Variants in TBC1D15 observed in about 807,000 individuals in gnomAD.
TBC1D15 encodes the protein GAP for RAB7.
In TBC1D15, 39 loss-of-function variants were observed where a neutral mutation model predicts 95.4. The ratio of observed to expected loss-of-function variants is 0.41; its 90% CI spans 0.32 to 0.53. TBC1D15 has a LOEUF of 0.53. TBC1D15 is among the 20% of genes least tolerant of loss of function. The pLI is 0.29. For synonymous variants in TBC1D15, 258 were observed against 261.3 expected (o/e 0.99, Z 0.12); for missense variants, 733 against 794.3 (o/e 0.92, Z 0.93).
At chr12:71,878,918 GT>G (rs1222078289) in intron 3 of TBC1D15, among the ~76,000 whole-genome samples, 1 of 151,516 alleles carries the variant, frequency 6.6e-6, no homozygotes, top group Non-Finnish European at 1.5e-5. Context: ...CATTTGTTCA[GT>G]TTCCCTACTG....
chr12:71,901,437 A>G (rs1389470913), intron 10 of TBC1D15, among the ~76,000 whole-genome samples: 10 of 152,172 alleles, frequency 6.6e-5, no homozygotes, highest in African/African-American at 1.9e-4. Flanking sequence ...TGAGATGCCT[A>G]TATTGAATGT....
intron 1 of TBC1D15, chr12:71,850,162 GC>G (rs1887412045): frequency 3.6e-6 from 2 of 562,784 alleles, no homozygotes; most frequent in Admixed American, 4.2e-5. Context: ...ATTATTTCTG[GC>G]TGTGATACTC....
chr12:71,872,709 C>T (rs1194828180), intron 2 of TBC1D15, among the ~76,000 whole-genome samples: 1 of 152,018 alleles, frequency 6.6e-6, no homozygotes, highest in African/African-American at 2.4e-5. Flanking sequence ...ATGGAATATT[C>T]TAAAACTTAC....
intron 1 of TBC1D15, among the ~76,000 whole-genome samples, chr12:71,856,504 T>C (rs965196072): frequency 6.6e-6 from 1 of 152,200 alleles, no homozygotes; most frequent in Non-Finnish European, 1.5e-5. Flanking sequence ...TTTTCTTCTT[T>C]TAGCCTTCAA....
At chr12:71,889,538 A>T (rs945636298) in intron 5 of TBC1D15, among the ~76,000 whole-genome samples, 8 of 151,656 alleles carry the variant, frequency 5.3e-5, no homozygotes, top group African/African-American at 1.7e-4. Flanking sequence ...GAATAAAGCT[A>T]TTCCAAGTAG....
intron 4 of TBC1D15, among the ~76,000 whole-genome samples, chr12:71,882,044 C>A (rs77342566): frequency 7.9e-5 from 12 of 150,970 alleles, no homozygotes; most frequent in Non-Finnish European, 1.3e-4. Context: ...TATTTCATTA[C>A]GAAACTTTCT....
chr12:71,844,144 T>C (rs963213751), intron 1 of TBC1D15, among the ~76,000 whole-genome samples: 5 of 152,338 alleles, frequency 3.3e-5, no homozygotes, highest in African/African-American at 1.2e-4. Flanking sequence ...TCATCCCCAC[T>C]ACCATTGCCT....
intron 6 of TBC1D15, chr12:71,894,443 C>G (rs1208869310): frequency 6.8e-7 from 1 of 1,466,748 alleles, no homozygotes; most frequent in African/African-American, 1.4e-5. Flanking sequence ...TGTTTATCTG[C>G]AATTCAATCA....
chr12:71,921,099 TTG>T (rs1183458987), intron 15 of TBC1D15, among the ~76,000 whole-genome samples: 1 of 152,210 alleles, frequency 6.6e-6, no homozygotes, highest in Non-Finnish European at 1.5e-5. Flanking sequence ...CAAAAATTAA[TTG>T]TCTTTTGATT....
chr12:71,894,135 C>T (rs938871363), intron 6 of TBC1D15, among the ~76,000 whole-genome samples: 20 of 151,900 alleles, frequency 1.3e-4, no homozygotes, highest in Non-Finnish European at 1.0e-4. Context: ...AGTAGAAAAA[C>T]CTTTTGCTGT....
rs547412466 is a variant in TBC1D15, at chr12:71,924,050, G to A, written c.*846G>A. 6 of 152,578 alleles carry A rather than the reference G, an allele frequency of 3.9e-5. No individual in the cohort carries two copies. The East Asian group carries it at 7.7e-4, about 20-fold the overall frequency. 9.5% of individuals were successfully genotyped at this position (152,578 alleles called of 1,614,324 possible). A position where few individuals can be genotyped will look rare whatever the true frequency, so the allele number is the denominator to read the frequency against. ...CTTGTAACCTCACTTTACTAATAAT[G>A]TTTATTATCTTTCCTAATAATGCAT... On this transcript the variant is annotated 3_prime_UTR_variant, in exon 17 of 17. Coordinates refer to ENST00000485960, the MANE Select transcript of TBC1D15 (RefSeq NM_001146213.3).
intron 12 of TBC1D15, among the ~76,000 whole-genome samples, chr12:71,916,412 G>T (rs1398198890): frequency 6.6e-6 from 1 of 152,126 alleles, no homozygotes; most frequent in Non-Finnish European, 1.5e-5. Flanking sequence ...AGTTGATTCT[G>T]CCCCTTCTCT....
intron 10 of TBC1D15, among the ~76,000 whole-genome samples, chr12:71,901,219 A>G (rs191704508): frequency 4.8e-4 from 73 of 152,124 alleles, no homozygotes; most frequent in Admixed American, 4.1e-3. Context: ...ATAGGGTCTC[A>G]CTATGTTTCC....
At chr12:71,839,872 C>T (rs1330618524) in intron 1 of TBC1D15, 61 bp downstream of exon 1, 10 of 1,606,350 alleles carry the variant, frequency 6.2e-6, no homozygotes, top group East Asian at 2.2e-5. Context: ...CTTTTGCTCC[C>T]TGGCAGCTGG....
At position 71,920,144 on chromosome 12, in the gene TBC1D15, G is replaced by GTA. The variant is rs1437761807; in HGVS notation, c.1600-585_1600-584dup. ...GACCCTAAATTCGAGGATATTATCT[G>GTA]TATTTAGGAACAGCTGAGCTGTTGA... On this transcript the variant is annotated intron_variant, in intron 14 of 16. Coordinates refer to ENST00000485960, the MANE Select transcript of TBC1D15 (RefSeq NM_001146213.3). 2.0e-5 allele frequency among the ~76,000 whole-genome samples: 3 copies of GTA among 152,088 alleles called. No individual in the cohort carries two copies. In the East Asian group the frequency reaches 5.8e-4, roughly 29 times the overall value.
chr12:71,895,508 C>G (rs959341874), intron 7 of TBC1D15, among the ~76,000 whole-genome samples: 1 of 151,978 alleles, frequency 6.6e-6, no homozygotes, highest in African/African-American at 2.4e-5. Flanking sequence ...GGTCATGAAT[C>G]AATTCTGAGA....
chr12:71,868,871 T>A (rs1457829958), intron 1 of TBC1D15: 2 of 152,228 alleles, frequency 1.3e-5, no homozygotes, highest in Admixed American at 6.5e-5. Context: ...AGTTCCCGAC[T>A]ATTCTACTAG....
chr12:71,887,236 T>TACTATTTTTACTTGATCAACTATCA (rs1479333029), intron 5 of TBC1D15, among the ~76,000 whole-genome samples: 5 of 152,220 alleles, frequency 3.3e-5, no homozygotes, highest in African/African-American at 1.2e-4. Flanking sequence ...GTTGATCAAC[T>TACTATTTTTACTTGATCAACTATCA]ACTATTTTTA....
chr12:71,869,068 A>G (rs908347150), intron 1 of TBC1D15: 5 of 152,212 alleles, frequency 3.3e-5, no homozygotes, highest in East Asian at 3.8e-4. Flanking sequence ...AGTGAATTAG[A>G]TGAACATATT....
Sources: gnomAD v4.1 joint callset for allele counts (sites outside exome capture counted in the v4.1 genomes callset) on GRCh38, gnomAD v4.1.1 for gene constraint, MANE v1.5 for transcripts, NCBI Gene and HGNC (gene_info 2026-07-23, HGNC 2026-07-21) for gene names.